The following KCNIP3 variants were observed in gnomAD, a reference collection of about 807,000 sequenced individuals.
KCNIP3 encodes potassium voltage-gated channel interacting protein 3, also known as calsenilin.
In KCNIP3, 28 loss-of-function variants were observed where a neutral mutation model predicts 35.0. The observed-to-expected ratio is 0.80, with a 90% confidence interval of 0.59 to 1.10. KCNIP3 has a LOEUF of 1.10. Ranked by LOEUF, KCNIP3 falls within the 50% of genes least tolerant of loss-of-function variation. The pLI is 0.00. For missense variants in KCNIP3, 295 were observed against 338.4 expected (o/e 0.87, Z 1.01); for synonymous variants, 134 against 133.8 (o/e 1.00, Z -0.01).
At chr2:95,351,719 C>T (rs1485448388) in intron 2 of KCNIP3, among the ~76,000 whole-genome samples, 6 of 152,210 alleles carry the variant, frequency 3.9e-5, no homozygotes, top group African/African-American at 1.2e-4. Context: ...CTGGCTCATG[C>T]CTGTAATCCC....
intron 2 of KCNIP3, among the ~76,000 whole-genome samples, chr2:95,326,136 C>G (rs1678774099): frequency 6.6e-6 from 1 of 151,764 alleles, no homozygotes; most frequent in Non-Finnish European, 1.5e-5. Flanking sequence ...CTTATAAAGT[C>G]AGACACACAT....
intron 5 of KCNIP3, 85 bp from the exon 6 acceptor site, chr2:95,381,511 A>T: frequency 1.0e-6 from 1 of 983,588 alleles, no homozygotes; most frequent in South Asian, 1.4e-5. Flanking sequence ...TGGAGGCGTG[A>T]ATTTCAGTGG....
intron 2 of KCNIP3, among the ~76,000 whole-genome samples, chr2:95,336,595 T>A (rs1679065341): frequency 6.6e-6 from 1 of 152,220 alleles, no homozygotes; most frequent in African/African-American, 2.4e-5. Context: ...CTAACAATTT[T>A]TTATTGCATG....
chr2:95,365,518 G>A (rs1313540159), intron 2 of KCNIP3, among the ~76,000 whole-genome samples: 2 of 152,106 alleles, frequency 1.3e-5, no homozygotes, highest in African/African-American at 2.4e-5. Context: ...GATCATCCAC[G>A]ATCCTTGTAA....
intron 2 of KCNIP3, among the ~76,000 whole-genome samples, chr2:95,321,211 A>G (rs1046648781): frequency 6.6e-6 from 1 of 152,170 alleles, no homozygotes; most frequent in Non-Finnish European, 1.5e-5. Flanking sequence ...TGGGTCACAG[A>G]GCCGGTTTCG....
chr2:95,328,439 C>T (rs2104241314), intron 2 of KCNIP3, among the ~76,000 whole-genome samples: 1 of 152,364 alleles, frequency 6.6e-6, no homozygotes, highest in Admixed American at 6.5e-5. Context: ...GTCTGAGCGC[C>T]TGGAGGAGAG....
At chr2:95,353,161 A>G (rs1405841078) in intron 2 of KCNIP3, among the ~76,000 whole-genome samples, 1 of 152,168 alleles carries the variant, frequency 6.6e-6, no homozygotes, top group African/African-American at 2.4e-5. Context: ...GGGAGGATTG[A>G]GCCCTATGCA....
intron 3 of KCNIP3, 117 bp from the exon 4 acceptor site, chr2:95,374,731 G>A: frequency 1.6e-6 from 2 of 1,234,242 alleles, no homozygotes; most frequent in Non-Finnish European, 2.3e-6. Flanking sequence ...GGCCCCAGCA[G>A]TGCCACAGGC....
chr2:95,349,058 C>G (rs1182142035), intron 2 of KCNIP3, among the ~76,000 whole-genome samples: 42 of 152,196 alleles, frequency 2.8e-4, no homozygotes, highest in Non-Finnish European at 5.4e-4. Flanking sequence ...AGCACTGATT[C>G]ATGGTTGCAG....
At chr2:95,367,358 C>A (rs1350202703) in intron 2 of KCNIP3, among the ~76,000 whole-genome samples, 1 of 152,184 alleles carries the variant, frequency 6.6e-6, no homozygotes, top group Non-Finnish European at 1.5e-5. Flanking sequence ...TCTAGTTCCT[C>A]TGTCTTTCTA....
chr2:95,312,389 T>G (rs1249074385), intron 2 of KCNIP3: 2 of 152,324 alleles, frequency 1.3e-5, no homozygotes, highest in African/African-American at 4.8e-5. Context: ...GGACCACCCC[T>G]GCACGGCCCA....
intron 2 of KCNIP3, among the ~76,000 whole-genome samples, chr2:95,338,056 C>T (rs1018095594): frequency 5.3e-5 from 8 of 152,146 alleles, no homozygotes; most frequent in Admixed American, 5.2e-4. Context: ...GACTGATGGC[C>T]CACGAGGAGC....
intron 1 of KCNIP3, among the ~76,000 whole-genome samples, chr2:95,304,115 G>A (rs900044072): frequency 2.0e-5 from 3 of 152,208 alleles, no homozygotes; most frequent in Admixed American, 6.5e-5. Flanking sequence ...TTGAGGGGTC[G>A]CCTGGCTGAG....
At chr2:95,371,281 GT>G (rs925029756) in intron 2 of KCNIP3, among the ~76,000 whole-genome samples, 35 of 152,000 alleles carry the variant, frequency 2.3e-4, no homozygotes, top group Non-Finnish European at 4.7e-4. Context: ...GATATGCTCT[GT>G]TTTTTTAATC....
At chr2:95,373,385 T>C (rs1357937355) in intron 2 of KCNIP3, among the ~76,000 whole-genome samples, 1 of 150,492 alleles carries the variant, frequency 6.6e-6, no homozygotes, top group Admixed American at 6.6e-5. Context: ...CCCCCTCAAA[T>C]GTAGCCATGG....
chr2:95,360,196 A>G (rs1474854827), intron 2 of KCNIP3, among the ~76,000 whole-genome samples: 1 of 151,968 alleles, frequency 6.6e-6, no homozygotes, highest in Non-Finnish European at 1.5e-5. Flanking sequence ...GTCTCAAAAA[A>G]AAAAAAAAAA....
At chr2:95,383,694 C>T (rs1272652043) in intron 8 of KCNIP3, among the ~76,000 whole-genome samples, 1 of 152,236 alleles carries the variant, frequency 6.6e-6, no homozygotes, top group Non-Finnish European at 1.5e-5. Context: ...TCCAGCGCCT[C>T]TATTGCCCCA....
intron 2 of KCNIP3, among the ~76,000 whole-genome samples, chr2:95,347,358 C>T (rs1679402768): frequency 6.6e-6 from 1 of 152,196 alleles, no homozygotes; most frequent in Non-Finnish European, 1.5e-5. Flanking sequence ...CTGGTGACAC[C>T]TTGAGCGGAC....
chr2:95,310,314 T>A (rs749511713), intron 1 of KCNIP3, 41 bp from the exon 2 acceptor site: 1 of 1,612,930 alleles, frequency 6.2e-7, no homozygotes, highest in East Asian at 2.2e-5. Context: ...GTCCCCCCTC[T>A]GAGCAGGGGC....
Sources: allele counts gnomAD v4.1 joint callset (sites outside exome capture counted in the v4.1 genomes callset), GRCh38; gene constraint gnomAD v4.1.1; transcripts MANE v1.5; gene names NCBI Gene and HGNC (gene_info 2026-07-23, HGNC 2026-07-21).